AAR2: variants seen among roughly 807,000 people sequenced by gnomAD.
AAR2 encodes the protein protein AAR2 homolog.
In AAR2, 31 loss-of-function variants were observed where a neutral mutation model predicts 26.9. The ratio of observed to expected loss-of-function variants is 1.15; its 90% CI spans 0.86 to 1.55. The LOEUF is 1.55. Ranked by LOEUF, AAR2 falls within the 40% of genes most tolerant of loss-of-function variation. AAR2 has a pLI of 0.00. For synonymous variants in AAR2, 188 were observed against 196.1 expected (o/e 0.96, Z 0.34); for missense variants, 430 against 491.3 (o/e 0.88, Z 1.18).
intron 3 of AAR2, among the ~76,000 whole-genome samples, chr20:36,254,908 A>C (rs1395344632): frequency 2.6e-5 from 4 of 152,222 alleles, no homozygotes; most frequent in Admixed American, 1.3e-4. Flanking sequence ...AAAATCATTT[A>C]ACACAAAGCC....
At chr20:36,250,492 A>G (rs1489491600) in intron 3 of AAR2, among the ~76,000 whole-genome samples, 1 of 152,250 alleles carries the variant, frequency 6.6e-6, no homozygotes, top group East Asian at 1.9e-4. Context: ...AAATAAAAGA[A>G]TCAGAATAAG....
chr20:36,242,165 T>G (rs1355600585), intron 2 of AAR2, among the ~76,000 whole-genome samples: 5 of 123,292 alleles, frequency 4.1e-5, no homozygotes, highest in Admixed American at 1.5e-4. Flanking sequence ...TTTTTTTTTT[T>G]GAGACAGGGT....
Position 36,240,198 on chromosome 20 carries a change from C to T in AAR2, c.330C>T (p.Ala110=). The T allele has an allele frequency of 1.2e-6, 2 of 1,614,198 alleles. No individual in the cohort carries two copies. Among genetic ancestry groups the T allele is most frequent in the Non-Finnish European group, 1.7e-6 (2 of 1,180,026 alleles). The change falls in exon 2 of 4, where the codon GCC becomes GCT. Residue 110 remains alanine, a synonymous_variant. Transcript: ENST00000320849. The part of the protein sequence containing the change: ...LSPAPESEVE[A]MRANLQELDQ... ...CAGCCCCAGAGTCTGAGGTGGAGGC[C>T]ATGAGGGCCAACCTCCAGGAGCTGG...
intron 1 of AAR2, among the ~76,000 whole-genome samples, chr20:36,238,362 A>G (rs1056142154): frequency 8.5e-5 from 13 of 152,200 alleles, no homozygotes; most frequent in Admixed American, 8.5e-4. Flanking sequence ...GATTCAGGGT[A>G]AGAGTCATTT....
chr20:36,248,337 C>CTTTT (rs1395708568), intron 3 of AAR2, among the ~76,000 whole-genome samples: 3 of 139,680 alleles, frequency 2.1e-5, no homozygotes, highest in Non-Finnish European at 1.6e-5. Context: ...TCTTCTTCTT[C>CTTTT]TTTTTTTTTT....
chr20:36,255,571 T>G lies in AAR2; in HGVS notation c.988-7T>G, dbSNP rs1243983500. 1 of 1,614,192 alleles carries G rather than the reference T, an allele frequency of 6.2e-7. No individual in the cohort carries two copies. Among genetic ancestry groups the G allele is most frequent in the East Asian group, 2.2e-5 (1 of 44,886 alleles). On this transcript the variant is annotated splice_region_variant and splice_polypyrimidine_tract_variant and intron_variant, in intron 3 of 3. Transcript: ENST00000320849. ...CTCAGGAGTGACTTATCCTCTGTTC[T>G]CTGTAGGTTTTCTTTTCCTCTGCCT...
At chr20:36,244,012 T>C (rs2064708920) in intron 2 of AAR2, among the ~76,000 whole-genome samples, 1 of 152,252 alleles carries the variant, frequency 6.6e-6, no homozygotes. Context: ...ATTTTTCTTT[T>C]GTGGGAGGTT....
At chr20:36,245,587 A>G (rs1448020464) in intron 3 of AAR2, among the ~76,000 whole-genome samples, 1 of 152,206 alleles carries the variant, frequency 6.6e-6, no homozygotes, top group Non-Finnish European at 1.5e-5. Context: ...AGAAGCTGCC[A>G]CTGTCAGTTT....
chr20:36,248,086 T>A (rs983595334), intron 3 of AAR2, among the ~76,000 whole-genome samples: 1 of 152,132 alleles, frequency 6.6e-6, no homozygotes, highest in African/African-American at 2.4e-5. Context: ...TGGTACATAT[T>A]TGCTCATTCT....
chr20:36,244,567 A>G (rs1295941582), intron 2 of AAR2, 130 bp from the exon 3 acceptor site: 5 of 830,742 alleles, frequency 6.0e-6, no homozygotes, highest in Non-Finnish European at 9.9e-6. Context: ...CAGGCTCTGC[A>G]GGAGTGACAA....
intron 3 of AAR2, among the ~76,000 whole-genome samples, chr20:36,246,689 A>G (rs1268212556): frequency 4.6e-5 from 7 of 152,234 alleles, no homozygotes; most frequent in Admixed American, 1.3e-4. Context: ...GCTGAGCTCT[A>G]TAATTGCCAG....
intron 2 of AAR2, 108 bp downstream of exon 2, chr20:36,240,733 G>T (rs916765915): frequency 7.1e-7 from 1 of 1,401,952 alleles, no homozygotes; most frequent in Non-Finnish European, 9.5e-7. Flanking sequence ...ACTAAACCTG[G>T]CTAGGAGGCT....
chr20:36,247,827 C>T (rs1248013826), intron 3 of AAR2, among the ~76,000 whole-genome samples: 1 of 152,072 alleles, frequency 6.6e-6, no homozygotes, highest in African/African-American at 2.4e-5. Context: ...CGAGATTGCA[C>T]CACTACACTC....
At chr20:36,245,012 T>C (rs765493634) in intron 3 of AAR2, 86 bp downstream of exon 3, 56 of 1,256,974 alleles carry the variant, frequency 4.5e-5, no homozygotes, top group Non-Finnish European at 6.1e-5. Flanking sequence ...TATTCTTCCA[T>C]GACCCCAAAA....
At chr20:36,252,571 T>C (rs540108000) in intron 3 of AAR2, among the ~76,000 whole-genome samples, 1 of 152,094 alleles carries the variant, frequency 6.6e-6, no homozygotes, top group East Asian at 1.9e-4. Context: ...TTAGGAGAAA[T>C]TCATAGGTGA....
rs201217647 is a variant in AAR2, at chr20:36,237,530, T to G, written c.-49+1027T>G. On this transcript the variant is annotated intron_variant, in intron 1 of 3. Transcript: ENST00000320849. The stretch of plus-strand genomic sequence containing the variant: ...ATTTAATAAACGTTTTCCTAGCATC[T>G]CCTCTGTGCTAGGCCCTGTGCCAGC... Among the ~76,000 whole-genome samples, 59 of 152,116 alleles carry G rather than the reference T, an allele frequency of 3.9e-4. 1 individual carries two copies. The East Asian group carries it at 0.011, about 28-fold the overall frequency.
At chr20:36,242,364 T>TTTGTTGTTGTTGTTG (rs78763281) in intron 2 of AAR2, among the ~76,000 whole-genome samples, 2 of 145,156 alleles carry the variant, frequency 1.4e-5, no homozygotes, top group Non-Finnish European at 3.0e-5. Flanking sequence ...AGGTACATCT[T>TTTGTTGTTGTTGTTG]TTGTTGTTGT....
At position 36,244,727 on chromosome 20, in the gene AAR2, T is replaced by C; in HGVS notation, c.788T>C (p.Leu263Pro). The C allele has an allele frequency of 6.2e-7, 1 of 1,614,232 alleles. No individual in the cohort carries two copies. Among genetic ancestry groups the C allele is most frequent in the Non-Finnish European group, 8.5e-7 (1 of 1,180,052 alleles). The change falls in exon 3 of 4, where the codon CTG (leucine) becomes CCG (proline). Residue 263 changes from leucine (L) to proline (P), a missense_variant. Physicochemically the swap from Leu to Pro is moderately conservative, Grantham distance 98. Coordinates refer to ENST00000320849, the MANE Select transcript of AAR2 (RefSeq NM_001271874.2). Reference sequence around the variant, plus strand: ...CTCCAGTTTGCTTTTGTGTGCTTCCTGCTGGGGAATGTGTACGAGGCATTT... The same window carrying C: ...CTCCAGTTTGCTTTTGTGTGCTTCCCGCTGGGGAATGTGTACGAGGCATTT... ...GELQFAFVCF[L>P]LGNVYEAFEH...
chr20:36,239,897 T>C lies in AAR2; in HGVS notation c.29T>C (p.Leu10Pro), dbSNP rs762861786. 3.7e-6 allele frequency: 6 copies of C among 1,604,280 alleles called. No homozygotes were observed. In the South Asian group the frequency reaches 6.6e-5, roughly 18 times the overall value. The part of the protein sequence containing the change: MAAVQMDPE[L>P]AKRLFFEGAT... ...GCTGCCGTGCAGATGGATCCTGAGC[T>C]AGCCAAGCGCCTCTTCTTTGAAGGG... The change falls in exon 2 of 4, where the codon CTA becomes CCA. Residue 10 changes from leucine (L) to proline (P), a missense_variant. Transcript: ENST00000320849.
Sources: allele counts gnomAD v4.1 joint callset (sites outside exome capture counted in the v4.1 genomes callset), GRCh38; gene constraint gnomAD v4.1.1; transcripts MANE v1.5; gene names NCBI Gene and HGNC (gene_info 2026-07-23, HGNC 2026-07-21).